The following TMPRSS4 variants were observed in gnomAD, a reference collection of about 807,000 sequenced individuals.
TMPRSS4 encodes the protein transmembrane serine protease 4, also known as transmembrane protease serine 4.
TMPRSS4 carries 45 observed loss-of-function variants against 56.4 expected under a neutral mutation model. The ratio of observed to expected loss-of-function variants is 0.80; its 90% CI spans 0.63 to 1.02. The LOEUF is 1.02. Ranked by LOEUF, TMPRSS4 falls within the 50% of genes least tolerant of loss-of-function variation. The pLI is 0.00. For missense variants in TMPRSS4, 546 were observed against 556.7 expected (o/e 0.98, Z 0.19); for synonymous variants, 205 against 211.0 (o/e 0.97, Z 0.25).
At chr11:118,108,617 G>A (rs1402795009) in intron 6 of TMPRSS4, 1 of 516,104 alleles carries the variant, frequency 1.9e-6, no homozygotes, top group Non-Finnish European at 3.4e-6. Context: ...TTTGAAGCAG[G>A]CAGGGCCCAG....
chr11:118,079,102 TG>T (rs1446960648), intron 1 of TMPRSS4, among the ~76,000 whole-genome samples: 12 of 152,010 alleles, frequency 7.9e-5, no homozygotes, highest in Non-Finnish European at 1.8e-4. Context: ...AGGTCAGGCC[TG>T]GGGCCCCAAA....
At chr11:118,091,622 C>T (rs1945971716) in intron 1 of TMPRSS4, among the ~76,000 whole-genome samples, 1 of 152,090 alleles carries the variant, frequency 6.6e-6, no homozygotes, top group African/African-American at 2.4e-5. Context: ...CTTGATCTGT[C>T]TTTGAATCCT....
At chr11:118,099,191 C>T in intron 3 of TMPRSS4, 93 bp downstream of exon 3, 3 of 1,014,286 alleles carry the variant, frequency 3.0e-6, no homozygotes, top group Non-Finnish European at 4.4e-6. Context: ...AGTGACAGTC[C>T]CCCACCCCTG....
At chr11:118,110,691 G>T (rs141986117) in intron 7 of TMPRSS4, among the ~76,000 whole-genome samples, 8 of 152,152 alleles carry the variant, frequency 5.3e-5, no homozygotes, top group Admixed American at 5.2e-4. Context: ...CATAAGGAAC[G>T]TACAGCATAG....
At chr11:118,117,226 C>T in intron 11 of TMPRSS4, 79 bp from the exon 12 acceptor site, 2 of 1,436,160 alleles carry the variant, frequency 1.4e-6, no homozygotes, top group Admixed American at 3.4e-5. Context: ...AACAGATAGG[C>T]CAGTTCAGGG....
chr11:118,084,986 G>A (rs1023963408), intron 1 of TMPRSS4, among the ~76,000 whole-genome samples: 1 of 152,130 alleles, frequency 6.6e-6, no homozygotes, highest in Non-Finnish European at 1.5e-5. Context: ...CAACCTAGGG[G>A]ACTATGAGCA....
At chr11:118,113,132 A>T in intron 8 of TMPRSS4, 137 bp from the exon 9 acceptor site, 2 of 831,000 alleles carry the variant, frequency 2.4e-6, no homozygotes, top group South Asian at 2.1e-5. Flanking sequence ...CTTCTCCACC[A>T]TCCCTGCCTC....
rs1206266292 is a variant in TMPRSS4 at position 118,111,821 on chromosome 11, A to T, written c.664A>T (p.Ile222Phe). 6.2e-7 allele frequency: 1 copy of T among 1,606,644 alleles called. No homozygotes were observed. Among genetic ancestry groups the T allele is most frequent in the Non-Finnish European group, 8.5e-7 (1 of 1,176,976 alleles). The change falls in exon 8 of 13, where the codon ATC (isoleucine) becomes TTC (phenylalanine). Residue 222 changes from isoleucine to phenylalanine, a missense_variant. Coordinates refer to ENST00000437212, the MANE Select transcript of TMPRSS4 (RefSeq NM_019894.4). ...GGATTCTTGGCCTTGGCAGGTCAGC[A>T]TCCAGTACGACAAACAGCACGTCTG... Reference protein sequence around the residue: ...SVDSWPWQVSIQYDKQHVCGG... With the variant: ...SVDSWPWQVSFQYDKQHVCGG...
intron 9 of TMPRSS4, among the ~76,000 whole-genome samples, chr11:118,114,087 C>G (rs1317473978): frequency 6.6e-6 from 1 of 152,144 alleles, no homozygotes; most frequent in African/African-American, 2.4e-5. Context: ...TGTTTTATTG[C>G]GTTTAACCTA....
intron 1 of TMPRSS4, among the ~76,000 whole-genome samples, chr11:118,089,831 T>C (rs1945823568): frequency 1.3e-5 from 2 of 152,206 alleles, no homozygotes. Flanking sequence ...TTTCCCTTAA[T>C]ATTACATTCT....
In TMPRSS4 at chr11:118,093,619, G is replaced by A. The variant is rs571184121; in HGVS notation, c.4-1197G>A. Among the ~76,000 whole-genome samples, 31 of 152,186 alleles carry A rather than the reference G, an allele frequency of 2.0e-4. 1 individual carries two copies. The highest frequency in any genetic ancestry group is 2.1e-4 in the South Asian group (1 of 4,836). ...CCTTTGCGTGTATTTGTGCACATGC[G>A]TCGACGGCAGCCTAAGACCACTCTC... On this transcript the variant is annotated intron_variant, in intron 1 of 12. Transcript: ENST00000437212.
At chr11:118,079,786 G>A (rs113928731) in intron 1 of TMPRSS4, among the ~76,000 whole-genome samples, 11 of 152,312 alleles carry the variant, frequency 7.2e-5, no homozygotes, top group South Asian at 2.1e-4. Flanking sequence ...TGCGGGCAGC[G>A]GGGTGCTGGG....
At position 118,120,905 on chromosome 11, in the gene TMPRSS4, G is replaced by C. The variant is rs904042522; in HGVS notation, c.*2992G>C. Reference sequence around the variant, plus strand: ...AGTGTACACGCATACAACCAAGGTGGAAAAATTAGAATAAATCCACACCTA... The same window carrying C: ...AGTGTACACGCATACAACCAAGGTGCAAAAATTAGAATAAATCCACACCTA... On this transcript the variant is annotated 3_prime_UTR_variant, in exon 13 of 13. Coordinates refer to ENST00000437212, the MANE Select transcript of TMPRSS4 (RefSeq NM_019894.4). 2.6e-5 allele frequency: 4 copies of C among 152,140 alleles called. No homozygotes were observed. The highest frequency in any genetic ancestry group is 2.0e-4 in the Admixed American group (3 of 15,280). 9.4% of individuals were successfully genotyped at this position (152,140 alleles called of 1,614,324 possible).
intron 10 of TMPRSS4, 54 bp from the exon 11 acceptor site, chr11:118,115,084 A>G: frequency 6.3e-7 from 1 of 1,586,246 alleles, no homozygotes; most frequent in Non-Finnish European, 8.6e-7. Flanking sequence ...TTGGCAATCC[A>G]GGGCTGGGGG....
intron 8 of TMPRSS4, among the ~76,000 whole-genome samples, chr11:118,112,824 C>CT (rs5795113): frequency 0.63 from 81,068 of 128,294 alleles, 25,831 homozygotes; most frequent in East Asian, 0.85. Flanking sequence ...TTTTTAACCA[C>CT]TTTTTTTTTT....
chr11:118,113,263 C>T lies in TMPRSS4; in HGVS notation c.744-6C>T, dbSNP rs1320808309. The T allele has an allele frequency of 3.1e-6, 5 of 1,613,050 alleles. No homozygotes were observed. Among genetic ancestry groups the T allele is most frequent in the Middle Eastern group, 1.6e-4 (1 of 6,066 alleles). ...CAGGCCTGAACCCAGCTGTCTCTAC[C>T]CCCAGGAAACATACCGATGTGTTCA... On this transcript the variant is annotated splice_region_variant and splice_polypyrimidine_tract_variant and intron_variant, in intron 8 of 12. Transcript: ENST00000437212.
intron 2 of TMPRSS4, among the ~76,000 whole-genome samples, chr11:118,097,233 C>A (rs1161643965): frequency 6.6e-6 from 1 of 151,472 alleles, no homozygotes; most frequent in Non-Finnish European, 1.5e-5. Flanking sequence ...GTCTTCATTT[C>A]ATGGAGGGGC....
intron 7 of TMPRSS4, among the ~76,000 whole-genome samples, chr11:118,110,378 G>A (rs1191724272): frequency 6.7e-6 from 1 of 148,644 alleles, no homozygotes; most frequent in Non-Finnish European, 1.5e-5. Flanking sequence ...TCTGGCTCTT[G>A]TCACTCAGCC....
In TMPRSS4 at chr11:118,118,636, A is replaced by C; in HGVS notation, c.*723A>C. 1 of 985,502 alleles carries C rather than the reference A, an allele frequency of 1.0e-6. No homozygotes were observed. The highest frequency in any genetic ancestry group is 1.2e-6 in the Non-Finnish European group (1 of 830,010). The allele number at this position is 985,502 out of a possible 1,614,324, so 61.0% of individuals were successfully genotyped here. On this transcript the variant is annotated 3_prime_UTR_variant, in exon 13 of 13. Transcript: ENST00000437212. Reference sequence around the variant, plus strand: ...GCAAGAGTGAGCTGCAGATTACAGAAACCAGGGTGAGCAAGTTTGAGTCCC... The same window carrying C: ...GCAAGAGTGAGCTGCAGATTACAGACACCAGGGTGAGCAAGTTTGAGTCCC...
Sources: allele counts gnomAD v4.1 joint callset (sites outside exome capture counted in the v4.1 genomes callset), GRCh38; gene constraint gnomAD v4.1.1; transcripts MANE v1.5; gene names NCBI Gene and HGNC (gene_info 2026-07-23, HGNC 2026-07-21).